The following SMIM23 variants were observed in gnomAD, a reference collection of about 807,000 sequenced individuals.
SMIM23 encodes the protein small integral membrane protein 23.
Under a neutral mutation model 12.8 loss-of-function variants are expected in SMIM23, and 10 were observed. The ratio of observed to expected loss-of-function variants is 0.78; its 90% CI spans 0.48 to 1.32. The LOEUF is 1.32. SMIM23 is among the 40% of genes most tolerant of loss of function. SMIM23 has a pLI of 0.00. For missense variants in SMIM23, 184 were observed against 198.2 expected (o/e 0.93, Z 0.43); for synonymous variants, 78 against 80.1 (o/e 0.97, Z 0.14).
At chr5:171,779,755 G>A (rs1755694944), upstream of SMIM23, among the ~76,000 whole-genome samples, 1 of 152,052 alleles carries the variant, frequency 6.6e-6, no homozygotes, top group African/African-American at 2.4e-5. Flanking sequence ...TTGGAGAAGT[G>A]AGGAGGAGAA....
upstream of SMIM23, among the ~76,000 whole-genome samples, chr5:171,784,447 G>C (rs1755778744): frequency 6.6e-6 from 1 of 152,080 alleles, no homozygotes; most frequent in African/African-American, 2.4e-5. Context: ...AGAGCTTGCA[G>C]TGAGCCGAGA....
upstream of SMIM23, among the ~76,000 whole-genome samples, chr5:171,780,555 T>A (rs1755709952): frequency 6.6e-6 from 1 of 152,108 alleles, no homozygotes; most frequent in South Asian, 2.1e-4. Flanking sequence ...GTGACTGTAA[T>A]TTTTTTTACT....
upstream of SMIM23, among the ~76,000 whole-genome samples, chr5:171,779,070 G>A (rs150192609): frequency 6.6e-5 from 10 of 152,308 alleles, no homozygotes; most frequent in East Asian, 1.2e-3. Context: ...GACAAGCCTC[G>A]TTTGAGCACA....
chr5:171,775,950 A>T, the SMIM23 span, among the ~76,000 whole-genome samples: 1 of 152,096 alleles, frequency 6.6e-6, no homozygotes, highest in East Asian at 1.9e-4. Context: ...CAACTCACTG[A>T]AACCTCCACC....
chr5:171,790,187 T>A (rs1755895836), intron 1 of SMIM23, 43 bp from the exon 2 acceptor site: 2 of 1,528,176 alleles, frequency 1.3e-6, no homozygotes, highest in East Asian at 4.9e-5. Context: ...TGGAGAGAAT[T>A]CATCCTCATG....
chr5:171,774,454 G>C, the SMIM23 span: 1 of 456,286 alleles, frequency 2.2e-6, no homozygotes, highest in Non-Finnish European at 4.4e-6. Flanking sequence ...GCTCACCGTC[G>C]GACCTCTCCC....
At chr5:171,774,371 G>A in the SMIM23 span, 12 of 455,552 alleles carry the variant, frequency 2.6e-5, no homozygotes, top group East Asian at 6.9e-4. Flanking sequence ...AGAGAGACAG[G>A]AAGGAGCCCA....
upstream of SMIM23, among the ~76,000 whole-genome samples, chr5:171,777,511 T>A (rs988695188): frequency 6.6e-6 from 1 of 152,230 alleles, no homozygotes; most frequent in African/African-American, 2.4e-5. Flanking sequence ...TGTGTTCATG[T>A]GTACATTTGC....
chr5:171,779,938 C>T (rs1427912560), upstream of SMIM23, among the ~76,000 whole-genome samples: 6 of 152,040 alleles, frequency 3.9e-5, no homozygotes, highest in African/African-American at 1.5e-4. Flanking sequence ...TAGTTCATCT[C>T]GTTTAGCGCT....
chr5:171,786,699 C>T (rs546685669), intron 1 of SMIM23, among the ~76,000 whole-genome samples: 1 of 152,300 alleles, frequency 6.6e-6, no homozygotes, highest in Middle Eastern at 3.4e-3. Context: ...ACTATACATG[C>T]ACCGAGCGCC....
chr5:171,789,396 A>G (rs702081), intron 1 of SMIM23, among the ~76,000 whole-genome samples: 1,774 of 152,356 alleles, frequency 0.012, 37 homozygotes, highest in African/African-American at 0.04. Context: ...CATTTACCAT[A>G]TAACCCAGCA....
the SMIM23 span, chr5:171,774,398 CAGTT>C: frequency 2.2e-6 from 1 of 456,270 alleles, no homozygotes; most frequent in Non-Finnish European, 4.4e-6. Context: ...GTTACACAGG[CAGTT>C]AGCAGAAACA....
the SMIM23 span, among the ~76,000 whole-genome samples, chr5:171,772,722 G>C: frequency 1.3e-5 from 2 of 152,298 alleles, no homozygotes; most frequent in African/African-American, 4.8e-5. Flanking sequence ...CTGACGACTT[G>C]AACGTCTATG....
At chr5:171,777,671 T>C (rs563875141), upstream of SMIM23, among the ~76,000 whole-genome samples, 1 of 152,316 alleles carries the variant, frequency 6.6e-6, no homozygotes, top group South Asian at 2.1e-4. Context: ...GAGAGGGAGA[T>C]AGACCTGCCC....
upstream of SMIM23, chr5:171,785,806 G>T (rs575383887): frequency 2.8e-5 from 36 of 1,292,510 alleles, no homozygotes; most frequent in South Asian, 2.4e-4. Context: ...GACCACAGGT[G>T]GGGGAGGGGA....
upstream of SMIM23, among the ~76,000 whole-genome samples, chr5:171,778,125 C>T (rs988443222): frequency 2.0e-5 from 3 of 152,120 alleles, no homozygotes; most frequent in African/African-American, 4.8e-5. Flanking sequence ...TTCGGGAGGC[C>T]GAGGCGGGCG....
upstream of SMIM23, among the ~76,000 whole-genome samples, chr5:171,783,927 G>A (rs1755766471): frequency 6.6e-6 from 1 of 152,170 alleles, no homozygotes; most frequent in African/African-American, 2.4e-5. Flanking sequence ...AAGGGGTGCA[G>A]ATGGCAAATA....
At chr5:171,773,223 C>A in the SMIM23 span, among the ~76,000 whole-genome samples, 1 of 152,190 alleles carries the variant, frequency 6.6e-6, no homozygotes, top group Non-Finnish European at 1.5e-5. Context: ...CTGTAGAATG[C>A]GGACATTGAC....
chr5:171,774,755 A>G, the SMIM23 span: 2 of 379,486 alleles, frequency 5.3e-6, no homozygotes, highest in African/African-American at 4.2e-5. Context: ...TGTGTCAAGA[A>G]TCCCTCTATT....
Sources: allele counts gnomAD v4.1 joint callset (sites outside exome capture counted in the v4.1 genomes callset), GRCh38; gene constraint gnomAD v4.1.1; transcripts MANE v1.5; gene names NCBI Gene and HGNC (gene_info 2026-07-23, HGNC 2026-07-21).